Variants in DRC8 observed in about 807,000 individuals in gnomAD.
The protein encoded by DRC8 is dynein regulatory complex subunit 8, also known as dynein regulatory complex protein 8.
At chr1:245,041,572 T>C in the DRC8 span, among the ~76,000 whole-genome samples, 1 of 152,190 alleles carries the variant, frequency 6.6e-6, no homozygotes, top group Non-Finnish European at 1.5e-5. Context: ...ATTATTGTTA[T>C]TGTTATGGGC....
At chr1:245,123,180 G>C in the DRC8 span, 1 of 152,158 alleles carries the variant, frequency 6.6e-6, no homozygotes, top group Non-Finnish European at 1.5e-5. The surrounding 1 kb of genome is among the most constrained non-coding windows in gnomAD (Gnocchi z 5.0). Context: ...ACTCCAAGTG[G>C]CACTATTTGG....
chr1:244,974,941 T>A, the DRC8 span, among the ~76,000 whole-genome samples: 4 of 151,998 alleles, frequency 2.6e-5, no homozygotes, highest in Non-Finnish European at 5.9e-5. Context: ...TATTTTTATT[T>A]TTTTTTTGAG....
At chr1:245,026,761 T>TA in the DRC8 span, among the ~76,000 whole-genome samples, 1 of 152,174 alleles carries the variant, frequency 6.6e-6, no homozygotes, top group African/African-American at 2.4e-5. Context: ...ACGTTGAATT[T>TA]AAAAAATTAC....
At chr1:245,110,835 A>G in the DRC8 span, among the ~76,000 whole-genome samples, 1 of 152,302 alleles carries the variant, frequency 6.6e-6, no homozygotes, top group South Asian at 2.1e-4. Flanking sequence ...TTTGTTCCTT[A>G]AAGGGCTTCT....
the DRC8 span, among the ~76,000 whole-genome samples, chr1:245,005,170 A>G: frequency 2.0e-5 from 3 of 151,964 alleles, no homozygotes; most frequent in East Asian, 5.8e-4. Context: ...TTATGTTTTC[A>G]AGTGTTTTGT....
the DRC8 span, among the ~76,000 whole-genome samples, chr1:245,078,376 A>G: frequency 6.6e-6 from 1 of 152,192 alleles, no homozygotes; most frequent in Non-Finnish European, 1.5e-5. Context: ...AGCTATCTGT[A>G]TTGCCATGTT....
the DRC8 span, among the ~76,000 whole-genome samples, chr1:245,021,344 A>AT: frequency 6.6e-6 from 1 of 152,090 alleles, no homozygotes; most frequent in Non-Finnish European, 1.5e-5. Context: ...GTGAGTGGAC[A>AT]TTTTTAAAGC....
the DRC8 span, among the ~76,000 whole-genome samples, chr1:245,045,333 A>T: frequency 6.6e-6 from 1 of 152,218 alleles, no homozygotes; most frequent in Non-Finnish European, 1.5e-5. Context: ...TGTGACTGCA[A>T]GTTGTCCAGG....
the DRC8 span, among the ~76,000 whole-genome samples, chr1:244,976,314 G>A: frequency 6.6e-6 from 1 of 151,944 alleles, no homozygotes; most frequent in East Asian, 1.9e-4. Context: ...AAACTTTTAA[G>A]TCTTACCAAT....
At chr1:245,118,631 A>C in the DRC8 span, among the ~76,000 whole-genome samples, 1 of 151,978 alleles carries the variant, frequency 6.6e-6, no homozygotes, top group East Asian at 1.9e-4. Context: ...GTCTCTACTA[A>C]AAATACAAAA....
the DRC8 span, among the ~76,000 whole-genome samples, chr1:245,023,936 G>T: frequency 1.3e-5 from 2 of 152,042 alleles, no homozygotes; most frequent in Non-Finnish European, 2.9e-5. Flanking sequence ...TTGGGAGGCC[G>T]AGGTGGGCAG....
the DRC8 span, among the ~76,000 whole-genome samples, chr1:245,048,902 A>G: frequency 3.9e-5 from 6 of 152,084 alleles, no homozygotes; most frequent in East Asian, 1.2e-3. Flanking sequence ...TCCTGGGCTC[A>G]AGTGGTCCTC....
chr1:244,998,576 T>C, the DRC8 span, among the ~76,000 whole-genome samples: 4 of 152,272 alleles, frequency 2.6e-5, no homozygotes, highest in East Asian at 5.8e-4. Context: ...CTTCCCCCAA[T>C]TGGCTTATCA....
the DRC8 span, among the ~76,000 whole-genome samples, chr1:244,984,050 G>A: frequency 6.6e-6 from 1 of 151,778 alleles, no homozygotes. Context: ...AAACTCCTGT[G>A]CTCAAGCGGT....
the DRC8 span, among the ~76,000 whole-genome samples, chr1:245,097,517 CAAAA>C: frequency 1.6e-4 from 24 of 148,520 alleles, no homozygotes; most frequent in Middle Eastern, 3.5e-3. The surrounding 1 kb of genome is among the most constrained non-coding windows in gnomAD (Gnocchi z 5.0). Flanking sequence ...GATTCCCTCT[CAAAA>C]AAAAAAAAAG....
At chr1:245,082,296 T>C in the DRC8 span, 1 of 692,612 alleles carries the variant, frequency 1.4e-6, no homozygotes, top group Non-Finnish European at 2.5e-6. Context: ...CCCTCTAACC[T>C]TTCAAGCTAC....
At chr1:245,106,041 C>G in the DRC8 span, among the ~76,000 whole-genome samples, 1 of 152,186 alleles carries the variant, frequency 6.6e-6, no homozygotes, top group African/African-American at 2.4e-5. Flanking sequence ...CCAGCCTGGA[C>G]AACAGAGCAA....
the DRC8 span, among the ~76,000 whole-genome samples, chr1:245,042,924 T>TTTTA: frequency 1.8e-4 from 27 of 152,242 alleles, no homozygotes; most frequent in East Asian, 4.6e-3. Flanking sequence ...GGGTCAAACA[T>TTTTA]TTTAAGTGGT....
chr1:245,047,607 C>G, the DRC8 span, among the ~76,000 whole-genome samples: 1 of 140,800 alleles, frequency 7.1e-6, no homozygotes, highest in Non-Finnish European at 1.5e-5. Context: ...GGCACTCCAG[C>G]CTGGTCGAGA....
Sources: allele counts gnomAD v4.1 joint callset (sites outside exome capture counted in the v4.1 genomes callset), GRCh38; gene constraint gnomAD v4.1.1; non-coding constraint Gnocchi (gnomAD v3.1); transcripts MANE v1.5; gene names NCBI Gene and HGNC (gene_info 2026-07-23, HGNC 2026-07-21).